Variants in TJP3 observed in about 807,000 individuals in gnomAD.
TJP3 encodes tight junction protein ZO-3.
Under a neutral mutation model 104.2 loss-of-function variants are expected in TJP3, and 85 were observed. The ratio of observed to expected loss-of-function variants is 0.82; its 90% CI spans 0.68 to 0.98. TJP3 has a LOEUF of 0.98. Ranked by LOEUF, TJP3 falls within the 50% of genes least tolerant of loss-of-function variation. The pLI is 0.00. For synonymous variants in TJP3, 550 were observed against 550.6 expected, an observed-to-expected ratio of 1.00 and a Z score of 0.02; for missense variants, 1,367 against 1,322.8, an observed-to-expected ratio of 1.03 and a Z score of -0.52.
Position 3,739,097 on chromosome 19 carries a change from C to T in TJP3, c.1594C>T (p.Arg532Trp), listed in dbSNP as rs1317319449. 11 of 1,583,374 alleles carry T rather than the reference C, an allele frequency of 6.9e-6. No individual in the cohort carries two copies. Among genetic ancestry groups the T allele is most frequent in the South Asian group, 4.5e-5 (4 of 88,338 alleles). The change falls in exon 13 of 21, where the codon CGG becomes TGG. Residue 532 changes from arginine to tryptophan, a missense_variant. Transcript: ENST00000541714. ...GGCGGTGCGCATGGGTCGTGACCTG[C>T]GGGAGCAAGAGCGGGGCATCATTCC... ...WLAVRMGRDL[R>W]EQERGIIPNQ... is the part of the protein sequence containing the mutation.
At chr19:3,729,569 T>C (rs1482421886) in intron 3 of TJP3, among the ~76,000 whole-genome samples, 1 of 151,878 alleles carries the variant, frequency 6.6e-6, no homozygotes, top group Non-Finnish European at 1.5e-5. Context: ...TTACCTGAGG[T>C]CAGGAGTTCA....
intron 1 of TJP3, among the ~76,000 whole-genome samples, chr19:3,713,095 C>T (rs2036447803): frequency 6.6e-6 from 1 of 152,140 alleles, no homozygotes; most frequent in African/African-American, 2.4e-5. Context: ...CCCATGAGGT[C>T]CTCCAGCCTC....
In TJP3 at chr19:3,746,314, G is replaced by T. The variant is rs998786078; in HGVS notation, c.2011-171G>T. ...GAGAGACTCAAGTTGAGGTTTTGAT[G>T]CCCAAGATGCTGCGACCTGGGCTGT... On this transcript the variant is annotated intron_variant, in intron 16 of 20. Coordinates refer to ENST00000541714, the MANE Select transcript of TJP3 (RefSeq NM_001267560.2). This position sits in a 1 kb window ranked among gnomAD's most constrained non-coding sequence, Gnocchi z 4.1. Among the ~76,000 whole-genome samples, 1 of 152,096 alleles carries T rather than the reference G, an allele frequency of 6.6e-6. No homozygotes were observed. Among genetic ancestry groups the T allele is most frequent in the Non-Finnish European group, 1.5e-5 (1 of 68,020 alleles).
At chr19:3,737,353 G>A (rs1369987563) in intron 11 of TJP3, among the ~76,000 whole-genome samples, 1 of 151,932 alleles carries the variant, frequency 6.6e-6, no homozygotes, top group African/African-American at 2.4e-5. Flanking sequence ...TGGCTGTGTT[G>A]ACCGTGTCAT....
chr19:3,710,131 AGAGT>A (rs1399773789), intron 1 of TJP3, among the ~76,000 whole-genome samples: 1 of 140,936 alleles, frequency 7.1e-6, no homozygotes, highest in Non-Finnish European at 1.5e-5. Flanking sequence ...CCTGGACAAC[AGAGT>A]GAGACTCTGT....
chr19:3,710,994 C>G (rs991621209), intron 1 of TJP3, among the ~76,000 whole-genome samples: 2 of 151,510 alleles, frequency 1.3e-5, no homozygotes, highest in African/African-American at 2.4e-5. Flanking sequence ...AGCTCCGCCT[C>G]CCGGGTTCAC....
intron 1 of TJP3, among the ~76,000 whole-genome samples, chr19:3,718,208 A>T (rs1407848154): frequency 1.6e-5 from 2 of 128,092 alleles, no homozygotes; most frequent in Non-Finnish European, 3.4e-5. Flanking sequence ...AAAAAAAAAA[A>T]AAAAGTGTGT....
At chr19:3,736,760 A>T (rs374320412) in intron 11 of TJP3, among the ~76,000 whole-genome samples, 1 of 151,728 alleles carries the variant, frequency 6.6e-6, no homozygotes, top group African/African-American at 2.4e-5. Context: ...TTTTTAGTAG[A>T]GATGAGGGTT....
chr19:3,721,953 G>A (rs2036546295), intron 1 of TJP3: 1 of 1,039,310 alleles, frequency 9.6e-7, no homozygotes, highest in Non-Finnish European at 1.2e-6. Flanking sequence ...GGCTCGGGCT[G>A]AGGTGGGGTG....
chr19:3,750,686 C>T lies in TJP3; in HGVS notation c.*2C>T. On this transcript the variant is annotated 3_prime_UTR_variant, in exon 21 of 21. Transcript: ENST00000541714. ...TGGGGTCCGGCCACTGACCTGTGAC[C>T]TCTCGAAGGCTGCCAGCTGGTCCGT... is the stretch of plus-strand genomic sequence containing the variant. 2 of 1,591,888 alleles carry T rather than the reference C, an allele frequency of 1.3e-6. No homozygotes were observed.
chr19:3,720,903 T>TTTC (rs1555737403), intron 1 of TJP3, among the ~76,000 whole-genome samples: 10 of 130,052 alleles, frequency 7.7e-5, no homozygotes, highest in African/African-American at 1.4e-4. Flanking sequence ...TTCCTTTTCT[T>TTTC]TTTTTTTTTT....
intron 1 of TJP3, among the ~76,000 whole-genome samples, chr19:3,727,267 G>T (rs2036609152): frequency 6.6e-6 from 1 of 152,014 alleles, no homozygotes. Flanking sequence ...TGGATCACAA[G>T]ATCAGGAGTT....
At chr19:3,739,346 T>C (rs886502216) in intron 13 of TJP3, among the ~76,000 whole-genome samples, 9 of 152,076 alleles carry the variant, frequency 5.9e-5, no homozygotes, top group Non-Finnish European at 8.8e-5. Context: ...AAAAATTAGC[T>C]GGGCGTGGTG....
At chr19:3,728,261 A>C (rs1170777232) in intron 1 of TJP3, 163 bp from the exon 2 acceptor site, 1 of 1,176,796 alleles carries the variant, frequency 8.5e-7, no homozygotes, top group Non-Finnish European at 1.2e-6. Flanking sequence ...CAAAACAAAA[A>C]AACAAACAAA....
chr19:3,712,609 C>T (rs2036443304), intron 1 of TJP3, among the ~76,000 whole-genome samples: 2 of 152,152 alleles, frequency 1.3e-5, no homozygotes, highest in Admixed American at 1.3e-4. Context: ...TCTCTCTCTG[C>T]TGTGGAACTT....
At chr19:3,725,546 G>C (rs1022936313) in intron 1 of TJP3, among the ~76,000 whole-genome samples, 8 of 152,036 alleles carry the variant, frequency 5.3e-5, no homozygotes, top group African/African-American at 1.9e-4. Context: ...ACAAAAAGTA[G>C]CTGGCTGTGG....
chr19:3,709,429 T>C (rs1216331582), intron 1 of TJP3, among the ~76,000 whole-genome samples: 1 of 152,052 alleles, frequency 6.6e-6, no homozygotes. Flanking sequence ...CCGAGCAAAA[T>C]CTCTGTGGGA....
intron 12 of TJP3, 62 bp downstream of exon 12, chr19:3,738,725 C>T: frequency 6.7e-7 from 1 of 1,492,216 alleles, no homozygotes; most frequent in South Asian, 1.2e-5. Context: ...GCTGTGTGGC[C>T]TGGTGGTGAG....
At position 3,735,944 on chromosome 19, in the gene TJP3, C is replaced by T. The variant is rs1287036174; in HGVS notation, c.1127+9C>T. On this transcript the variant is annotated intron_variant, in intron 10 of 20. Transcript: ENST00000541714. ...AGCATGGAGGATCGTGGGTATGTAC[C>T]CCAGAAGAAAGCAAACCCGCTCAAA... 1.2e-6 allele frequency: 2 copies of T among 1,614,050 alleles called. No homozygotes were observed. Among genetic ancestry groups the T allele is most frequent in the Middle Eastern group, 3.3e-4 (2 of 6,060 alleles).
Sources: gnomAD v4.1 joint callset for allele counts (sites outside exome capture counted in the v4.1 genomes callset) on GRCh38, gnomAD v4.1.1 for gene constraint, Gnocchi (gnomAD v3.1) non-coding constraint, MANE v1.5 for transcripts, NCBI Gene and HGNC (gene_info 2026-07-23, HGNC 2026-07-21) for gene names.